PCDH15: variants seen among roughly 807,000 people sequenced by gnomAD.
PCDH15 encodes the protein protocadherin-15.
In PCDH15, 129 loss-of-function variants were observed where a neutral mutation model predicts 178.5. The ratio of observed to expected loss-of-function variants is 0.72; its 90% confidence interval spans 0.63 to 0.84. The LOEUF is 0.84. PCDH15 is among the 40% of genes least tolerant of loss of function. The pLI, the probability that PCDH15 is intolerant of heterozygous loss-of-function variation, is 0.00. For synonymous variants in PCDH15, 800 were observed against 732.0 expected (o/e 1.09, Z -1.50); for missense variants, 2,230 against 2,099.9 (o/e 1.06, Z -1.21).
chr10:54,014,010 T>A (rs565787375), intron 20 of PCDH15, among the ~76,000 whole-genome samples: 13 of 151,808 alleles, frequency 8.6e-5, no homozygotes, highest in Non-Finnish European at 1.3e-4. Flanking sequence ...GATGGATGAA[T>A]AGCTAGACAA....
chr10:53,814,366 C>T (rs1588893788), intron 35 of PCDH15, among the ~76,000 whole-genome samples: 1 of 152,232 alleles, frequency 6.6e-6, no homozygotes, highest in Admixed American at 6.5e-5. Flanking sequence ...TTTTAGAAGT[C>T]AGCATCAAAG....
intron 3 of PCDH15, among the ~76,000 whole-genome samples, chr10:54,844,187 C>T (rs1953465602): frequency 1.3e-5 from 2 of 151,932 alleles, no homozygotes. Flanking sequence ...AGTGATGATT[C>T]AGATGCCTTG....
chr10:54,053,645 C>A (rs891031714), intron 18 of PCDH15, among the ~76,000 whole-genome samples: 1 of 152,110 alleles, frequency 6.6e-6, no homozygotes, highest in African/African-American at 2.4e-5. Context: ...GGGGTATAAA[C>A]AGATGCAAAG....
intron 2 of PCDH15, among the ~76,000 whole-genome samples, chr10:55,030,121 T>C (rs1018535680): frequency 1.3e-5 from 2 of 152,156 alleles, no homozygotes; most frequent in South Asian, 2.1e-4. Flanking sequence ...TTTGGACACA[T>C]AGAAATTAAG....
chr10:54,391,050 A>T (rs1241329082), intron 3 of PCDH15, among the ~76,000 whole-genome samples: 4 of 152,116 alleles, frequency 2.6e-5, no homozygotes, highest in Admixed American at 1.3e-4. Context: ...CTGTTTCCCC[A>T]TGTGCTCTTA....
rs528133304 is a variant in PCDH15 at position 55,230,228 on chromosome 10, A to T, written c.-155-63577T>A. Among the ~76,000 whole-genome samples the T allele has an allele frequency of 3.3e-5, 5 of 152,106 alleles. No homozygotes were observed. The South Asian group carries it at 6.2e-4, about 19-fold the overall frequency. Reference sequence around the variant, plus strand: ...TGATTTATTTGGAATAGAGTTATTAATTTTTTTAAATTTCCAATTAGGAGT... The same window carrying T: ...TGATTTATTTGGAATAGAGTTATTATTTTTTTTAAATTTCCAATTAGGAGT... On this transcript the variant is annotated intron_variant, in intron 1 of 5. Transcript: ENST00000458638.
chr10:54,840,865 C>T (rs1000494232), intron 3 of PCDH15, among the ~76,000 whole-genome samples: 1 of 151,698 alleles, frequency 6.6e-6, no homozygotes, highest in African/African-American at 2.4e-5. Flanking sequence ...AGTATTGATT[C>T]ATCGAGAGGA....
chr10:53,892,152 G>A lies in PCDH15; in HGVS notation c.3501+11091C>T, dbSNP rs559984226. 8.0e-5 allele frequency among the ~76,000 whole-genome samples: 12 copies of A among 150,728 alleles called. No homozygotes were observed. In the South Asian group the frequency reaches 2.3e-3, roughly 29 times the overall value. On this transcript the variant is annotated intron_variant, in intron 26 of 37. Coordinates refer to ENST00000644397, the MANE Select transcript of PCDH15 (RefSeq NM_001384140.1). The stretch of plus-strand genomic sequence containing the variant: ...CAATTCTCCTGCCTCAGCCTCTTGA[G>A]TAGCTGGGATTACAGGCGCCTGCCA...
intron 2 of PCDH15, among the ~76,000 whole-genome samples, chr10:55,138,020 G>T (rs1356610755): frequency 6.6e-6 from 1 of 152,016 alleles, no homozygotes; most frequent in African/African-American, 2.4e-5. Context: ...TTCCCTGCAG[G>T]TACTTTTCTA....
intron 2 of PCDH15, among the ~76,000 whole-genome samples, chr10:54,991,420 G>A (rs919184279): frequency 4.8e-4 from 73 of 152,074 alleles, no homozygotes. Context: ...CATGTATACT[G>A]TATATAACCA....
chr10:54,280,453 C>G (rs909642859), intron 8 of PCDH15, among the ~76,000 whole-genome samples: 3 of 151,648 alleles, frequency 2.0e-5, no homozygotes, highest in Non-Finnish European at 4.4e-5. Flanking sequence ...ATCTCATGAT[C>G]GCAAATCTTG....
At chr10:54,072,986 C>A (rs998904106) in intron 17 of PCDH15, among the ~76,000 whole-genome samples, 7 of 151,920 alleles carry the variant, frequency 4.6e-5, no homozygotes. Flanking sequence ...TAAGTGTGAC[C>A]CAGATTACAT....
At chr10:55,387,820 T>C (rs1032608150) in intron 2 of PCDH15, among the ~76,000 whole-genome samples, 4 of 152,196 alleles carry the variant, frequency 2.6e-5, no homozygotes, top group Middle Eastern at 3.4e-3. Flanking sequence ...CTGGAACATA[T>C]AACTTCATAG....
intron 2 of PCDH15, among the ~76,000 whole-genome samples, chr10:55,445,150 T>C (rs536420743): frequency 2.0e-5 from 3 of 152,294 alleles, no homozygotes; most frequent in East Asian, 3.9e-4. Flanking sequence ...ATTGTGAATA[T>C]AGACATGTCA....
intron 8 of PCDH15, among the ~76,000 whole-genome samples, chr10:54,277,688 T>A (rs1310648008): frequency 1.3e-5 from 2 of 151,624 alleles, no homozygotes; most frequent in East Asian, 3.9e-4. Flanking sequence ...AATAGAAAAG[T>A]AGCAATATTT....
At chr10:54,627,539 A>G (rs1321388960) in intron 2 of PCDH15, among the ~76,000 whole-genome samples, 1 of 152,142 alleles carries the variant, frequency 6.6e-6, no homozygotes, top group African/African-American at 2.4e-5. Context: ...TTCCACCACA[A>G]TTATGAGACT....
intron 1 of PCDH15, among the ~76,000 whole-genome samples, chr10:54,771,952 G>C (rs1949144863): frequency 6.6e-6 from 1 of 152,040 alleles, no homozygotes. Context: ...AAAATAGAAA[G>C]GATTGTAATT....
intron 2 of PCDH15, among the ~76,000 whole-genome samples, chr10:55,102,613 A>G (rs1414661911): frequency 6.6e-6 from 1 of 152,142 alleles, no homozygotes; most frequent in African/African-American, 2.4e-5. Flanking sequence ...TGGCGACTGT[A>G]ATTGACTGCA....
rs540958661 is a variant in PCDH15 at position 54,558,534 on chromosome 10, C to T, written c.92-30657G>A. ...ATCACTTTACCACAATCCCCACACA[C>T]GTTAAGTACCTCAGTTTTGACTTCC... On this transcript the variant is annotated intron_variant, in intron 2 of 37. Transcript: ENST00000644397. Among the ~76,000 whole-genome samples, 13 of 152,166 alleles carry T rather than the reference C, an allele frequency of 8.5e-5. No individual in the cohort carries two copies. In the East Asian group the frequency reaches 1.7e-3, roughly 20 times the overall value.
Sources: allele counts gnomAD v4.1 joint callset (sites outside exome capture counted in the v4.1 genomes callset), GRCh38; gene constraint gnomAD v4.1.1; transcripts MANE v1.5; gene names NCBI Gene and HGNC (gene_info 2026-07-23, HGNC 2026-07-21).